PALLD: variants seen among roughly 807,000 people sequenced by gnomAD.
The protein encoded by PALLD is palladin, cytoskeletal associated protein, also known as palladin.
A neutral mutation model predicts 123.5 loss-of-function variants in PALLD; 61 were observed. That is an observed-to-expected ratio of 0.49 (90% CI 0.40 to 0.61). The LOEUF (loss-of-function observed/expected upper bound fraction) is 0.61, where lower values mean the gene tolerates loss of function less well. PALLD is among the 20% of genes least tolerant of loss of function. PALLD has a pLI of 0.00. For missense variants in PALLD, 1,273 were observed against 1,377.0 expected, an observed-to-expected ratio of 0.92 and a Z score of 1.20; for synonymous variants, 465 against 496.4, an observed-to-expected ratio of 0.94 and a Z score of 0.84.
intron 21 of PALLD, among the ~76,000 whole-genome samples, chr4:168,925,705 T>C (rs1762450773): frequency 6.6e-6 from 1 of 152,100 alleles, no homozygotes; most frequent in Non-Finnish European, 1.5e-5. Flanking sequence ...AGAAAAAAAT[T>C]AAGAATTTAT....
chr4:168,603,574 T>A (rs573908616), intron 2 of PALLD, among the ~76,000 whole-genome samples: 39 of 152,204 alleles, frequency 2.6e-4, no homozygotes, highest in Non-Finnish European at 5.1e-4. Context: ...TGCTTAAATG[T>A]GTTCATTATG....
At chr4:168,669,987 A>G (rs1780031762) in intron 3 of PALLD, among the ~76,000 whole-genome samples, 1 of 152,206 alleles carries the variant, frequency 6.6e-6, no homozygotes. Context: ...ACTGATAGGT[A>G]TTTCAAAATG....
chr4:168,893,973 A>G (rs1754586945), intron 11 of PALLD, among the ~76,000 whole-genome samples: 1 of 152,206 alleles, frequency 6.6e-6, no homozygotes, highest in South Asian at 2.1e-4. Context: ...AGTTGCCGCC[A>G]ATCCCCTACA....
intron 2 of PALLD, among the ~76,000 whole-genome samples, chr4:168,610,653 C>T (rs1773640892): frequency 1.3e-5 from 2 of 150,426 alleles, no homozygotes; most frequent in Admixed American, 6.6e-5. Context: ...CCAGACCCTC[C>T]TCTAGAGGCC....
At chr4:168,832,504 C>T (rs1479479966) in intron 10 of PALLD, among the ~76,000 whole-genome samples, 1 of 152,172 alleles carries the variant, frequency 6.6e-6, no homozygotes, top group African/African-American at 2.4e-5. Flanking sequence ...CTCGCACCCC[C>T]ACGGCCCCCC....
chr4:168,847,354 T>C (rs1747018380), intron 10 of PALLD, among the ~76,000 whole-genome samples: 1 of 152,164 alleles, frequency 6.6e-6, no homozygotes, highest in African/African-American at 2.4e-5. Context: ...TGGAATACTA[T>C]GAGGCCATTC....
chr4:168,858,797 T>A (rs200947579), intron 10 of PALLD, among the ~76,000 whole-genome samples: 2 of 148,948 alleles, frequency 1.3e-5, no homozygotes, highest in South Asian at 2.1e-4. Context: ...AAATAAAAAT[T>A]AAAAAAAAAA....
chr4:168,903,663 C>A, intron 14 of PALLD, 94 bp from the exon 15 acceptor site: 6 of 1,011,898 alleles, frequency 5.9e-6, no homozygotes, highest in Non-Finnish European at 9.4e-6. Flanking sequence ...AAACTCAGAT[C>A]AGCTCTGCAA....
At chr4:168,540,419 A>G (rs1337589861) in intron 2 of PALLD, among the ~76,000 whole-genome samples, 2 of 152,170 alleles carry the variant, frequency 1.3e-5, no homozygotes, top group Non-Finnish European at 1.5e-5. Flanking sequence ...ACACAAAACT[A>G]CAGAAACCAC....
chr4:168,650,330 C>T (rs17614077), intron 2 of PALLD, among the ~76,000 whole-genome samples: 25,013 of 152,124 alleles, frequency 0.16, 2,454 homozygotes, highest in South Asian at 0.23. Flanking sequence ...AGTTACAACC[C>T]TCCAAAAATA....
intron 10 of PALLD, among the ~76,000 whole-genome samples, chr4:168,836,964 T>A (rs1745292173): frequency 6.6e-6 from 1 of 152,194 alleles, no homozygotes; most frequent in African/African-American, 2.4e-5. Context: ...AGCTCCAACT[T>A]GAGTTTTTTA....
chr4:168,766,704 G>A (rs1217787466), intron 10 of PALLD, among the ~76,000 whole-genome samples: 5 of 152,224 alleles, frequency 3.3e-5, no homozygotes, highest in East Asian at 1.9e-4. Context: ...CCAGCTGAAC[G>A]ACCTTCGGGA....
intron 5 of PALLD, among the ~76,000 whole-genome samples, chr4:168,684,850 T>C (rs1372048648): frequency 1.3e-5 from 2 of 152,182 alleles, no homozygotes; most frequent in African/African-American, 4.8e-5. Flanking sequence ...AACAACCACT[T>C]ACATAAGTGA....
Position 168,921,406 on chromosome 4 carries a change from CAAAAAAA to C in PALLD, c.2851-114_2851-108del, listed in dbSNP as rs5863967. ...TGGGCAATAAGAGTGAAACTCTGTC[CAAAAAAA>C]AAAAAAAAAAAAAGCCACCTCTTGT... On this transcript the variant is annotated intron_variant, in intron 17 of 21. Coordinates refer to ENST00000505667, the MANE Select transcript of PALLD (RefSeq NM_001166108.2). The C allele has an allele frequency of 1.2e-3, 424 of 362,382 alleles. 1 individual carries two copies. Among genetic ancestry groups the C allele is most frequent in the South Asian group, 0.01 (385 of 38,452 alleles). 22.4% of individuals were successfully genotyped at this position (362,382 alleles called of 1,614,324 possible). A position where few individuals can be genotyped will look rare whatever the true frequency, so the allele number is the denominator to read the frequency against.
intron 2 of PALLD, among the ~76,000 whole-genome samples, chr4:168,586,401 C>T (rs1455392164): frequency 6.6e-6 from 1 of 152,138 alleles, no homozygotes; most frequent in Non-Finnish European, 1.5e-5. Flanking sequence ...TTGAGATTCC[C>T]TTGCCCAGCA....
At chr4:168,639,782 G>A (rs992947160) in intron 2 of PALLD, among the ~76,000 whole-genome samples, 64 of 152,066 alleles carry the variant, frequency 4.2e-4, no homozygotes, top group Non-Finnish European at 8.4e-4. Flanking sequence ...CTGACCTCGT[G>A]ATCCGCCCGC....
chr4:168,585,279 A>G (rs1770696692), intron 2 of PALLD, among the ~76,000 whole-genome samples: 1 of 148,324 alleles, frequency 6.7e-6, no homozygotes, highest in African/African-American at 2.5e-5. Context: ...TGTGTGTGTG[A>G]CCATGAGAAT....
At chr4:168,656,687 G>A (rs1460579943) in intron 2 of PALLD, among the ~76,000 whole-genome samples, 1 of 152,056 alleles carries the variant, frequency 6.6e-6, no homozygotes, top group Non-Finnish European at 1.5e-5. Flanking sequence ...GGCAATATAT[G>A]TTTACCCTGC....
intron 2 of PALLD, among the ~76,000 whole-genome samples, chr4:168,514,461 T>G (rs887675092): frequency 5.3e-5 from 8 of 152,228 alleles, no homozygotes; most frequent in African/African-American, 1.9e-4. Context: ...TTTAAGAAAC[T>G]GACAGCAGGG....
Sources: gnomAD v4.1 joint callset for allele counts (sites outside exome capture counted in the v4.1 genomes callset) on GRCh38, gnomAD v4.1.1 for gene constraint, MANE v1.5 for transcripts, NCBI Gene and HGNC (gene_info 2026-07-23, HGNC 2026-07-21) for gene names.